LTBP4: variants seen among roughly 807,000 people sequenced by gnomAD.
The protein encoded by LTBP4 is latent-transforming growth factor beta-binding protein 4.
Under a neutral mutation model 180.2 loss-of-function variants are expected in LTBP4, and 93 were observed. The ratio of observed to expected loss-of-function variants is 0.52; its 90% CI spans 0.44 to 0.61. LTBP4 has a LOEUF of 0.61. LTBP4 is among the 20% of genes least tolerant of loss of function. The probability of loss-of-function intolerance (pLI) is 0.00; values close to 1 mark genes in which losing one functional copy is unlikely to be tolerated. For missense variants in LTBP4, 2,116 were observed against 2,256.5 expected, an observed-to-expected ratio of 0.94 and a Z score of 1.26; for synonymous variants, 947 against 934.5, an observed-to-expected ratio of 1.01 and a Z score of -0.24.
In LTBP4 at chr19:40,612,102, T is replaced by C; in HGVS notation, c.2209T>C (p.Cys737Arg). ...DVDECENHLA[C>R]PGQECVNSPG... ...GGATGAGTGTGAGAACCACCTCGCATGCCCTGGGCAGGAGTGTGTGAACTC... is the reference window on the plus strand; with the variant it reads ...GGATGAGTGTGAGAACCACCTCGCACGCCCTGGGCAGGAGTGTGTGAACTC... Residue 737 changes from cysteine to arginine, a missense_variant, in exon 15 of 30, where the codon TGC becomes CGC. This residue lies in a region of LTBP4 where 877 missense variants were observed against 873.6 expected (regional missense o/e 1.00). Coordinates refer to ENST00000396819, the MANE Select transcript of LTBP4 (RefSeq NM_001042545.2). 6.2e-7 allele frequency: 1 copy of C among 1,613,752 alleles called. No homozygotes were observed. Among genetic ancestry groups the C allele is most frequent in the Non-Finnish European group, 8.5e-7 (1 of 1,179,802 alleles).
chr19:40,593,285 C>T (rs557074839), intron 1 of LTBP4: 124 of 1,383,478 alleles, frequency 9.0e-5, no homozygotes, highest in South Asian at 3.3e-4. Context: ...CTTTGTTGCC[C>T]GGGCTAGGGT....
At position 40,605,746 on chromosome 19, in the gene LTBP4, C is replaced by A. The variant is rs754102394; in HGVS notation, c.708C>A (p.Pro236=). ...LRGGECASPL[P]GLRTQEVCCR... ...CCCCGCAGTGCGCGTCCCCGCTGCC[C>A]GGGCTCCGGACGCAGGAGGTCTGCT... is the stretch of plus-strand genomic sequence containing the variant. The change falls in exon 4 of 30, where the codon CCC becomes CCA. Residue 236 remains proline, a synonymous_variant. Transcript: ENST00000396819. This position sits in a 1 kb window ranked among gnomAD's most constrained non-coding sequence, Gnocchi z 5.5. 1 of 1,545,060 alleles carries A rather than the reference C, an allele frequency of 6.5e-7. No individual in the cohort carries two copies. The highest frequency in any genetic ancestry group is 1.2e-5 in the South Asian group (1 of 83,982).
chr19:40,608,538 G>C lies in LTBP4; in HGVS notation c.1361G>C (p.Arg454Pro). ...EPRPEPRPDP[R>P]PGPELPLPSI... is the part of the protein sequence containing the mutation. Reference sequence around the variant, plus strand: ...CGGCCTGAACCCCGGCCCGATCCCCGGCCCGGCCCTGAGCTTCCCTTGCCC... The same window carrying C: ...CGGCCTGAACCCCGGCCCGATCCCCCGCCCGGCCCTGAGCTTCCCTTGCCC... Residue 454 changes from arginine (R) to proline (P), a missense_variant, in exon 9 of 30, where the codon CGG becomes CCG. By Grantham distance (103) the Arg-to-Pro change is moderately radical. Around this residue, in one of 5 missense-constraint regions of LTBP4, gnomAD observed 877 missense variants for 873.6 expected, o/e 1.00. Coordinates refer to ENST00000396819, the MANE Select transcript of LTBP4 (RefSeq NM_001042545.2). The C allele has an allele frequency of 7.5e-6, 12 of 1,606,388 alleles. No homozygotes were observed. Among genetic ancestry groups the C allele is most frequent in the South Asian group, 2.2e-5 (2 of 89,442 alleles).
chr19:40,609,427 C>A lies in LTBP4; in HGVS notation c.1427-103C>A. On this transcript the variant is annotated intron_variant, in intron 9 of 29. Coordinates refer to ENST00000396819, the MANE Select transcript of LTBP4 (RefSeq NM_001042545.2). The surrounding 1 kb of genome is among the most constrained non-coding windows in gnomAD (Gnocchi z 4.9). ...TGGGCTTGCTTGGGGAGGAGACATC[C>A]ATGAAGGTGTTTTATGGATGTCTCC... 7.0e-7 allele frequency: 1 copy of A among 1,426,214 alleles called. No individual in the cohort carries two copies. Among genetic ancestry groups the A allele is most frequent in the Non-Finnish European group, 9.7e-7 (1 of 1,034,268 alleles). 88.3% of individuals were successfully genotyped at this position (1,426,214 alleles called of 1,614,324 possible).
At chr19:40,600,234 G>C, upstream of LTBP4, 3 of 1,064,812 alleles carry the variant, frequency 2.8e-6, no homozygotes, top group Non-Finnish European at 3.7e-6. The surrounding 1 kb of genome is among the most constrained non-coding windows in gnomAD (Gnocchi z 4.4). Context: ...GCCAGATAAA[G>C]CCGTCTGGTT....
In LTBP4 at chr19:40,627,760, C is replaced by G; in HGVS notation, c.4422C>G (p.Asp1474Glu). ...ELEAEECGILDGCTNGRCVRV... is the reference protein window; with the variant it reads ...ELEAEECGILEGCTNGRCVRV... ...AGGCGGAGGAGTGCGGGATCCTGGA[C>G]GGCTGCACCAACGGCCGCTGCGTGC... Residue 1474 changes from aspartate (D) to glutamate (E), a missense_variant, in exon 29 of 30, where the codon GAC (aspartate) becomes GAG (glutamate). Asp to Glu is a conservative substitution (Grantham distance 45). This residue lies in a region of LTBP4 where 488 missense variants were observed against 458.8 expected (regional missense o/e 1.06). Transcript: ENST00000396819. The G allele has an allele frequency of 1.9e-6, 3 of 1,592,464 alleles. No individual in the cohort carries two copies. Among genetic ancestry groups the G allele is most frequent in the South Asian group, 2.3e-5 (2 of 87,590 alleles).
At chr19:40,597,490 A>G, upstream of LTBP4, 9 of 1,237,560 alleles carry the variant, frequency 7.3e-6, 1 homozygote, top group South Asian at 1.6e-4. Flanking sequence ...CGATGTGGAG[A>G]TGCAAAGAGG....
At position 40,629,480 on chromosome 19, in the gene LTBP4, G is replaced by A. The variant is rs200665923; in HGVS notation, c.4604G>A (p.Cys1535Tyr). The change falls in exon 30 of 30, where the codon TGC (cysteine) becomes TAC (tyrosine). Residue 1535 changes from cysteine (C) to tyrosine (Y), a missense_variant. Physicochemically the swap from Cys to Tyr is radical, Grantham distance 194 (BLOSUM62 -2). Transcript: ENST00000396819. The surrounding 1 kb of genome is among the most constrained non-coding windows in gnomAD (Gnocchi z 4.5). ...CTCAACACGGATGGCTCCTTCCGCT[G>A]CATCTGCCGCCCGGGATTCGCACCC... is the stretch of plus-strand genomic sequence containing the variant. ...RCLNTDGSFR[C>Y]ICRPGFAPTH... is the part of the protein sequence containing the mutation. 3.1e-4 allele frequency: 505 copies of A among 1,607,488 alleles called. No individual in the cohort carries two copies. The highest frequency in any genetic ancestry group is 3.6e-4 in the Non-Finnish European group (429 of 1,176,034).
At position 40,603,778 on chromosome 19, in the gene LTBP4, C is replaced by T. The variant is rs567008944; in HGVS notation, c.251-1257C>T. On this transcript the variant is annotated intron_variant, in intron 1 of 29. Coordinates refer to ENST00000396819, the MANE Select transcript of LTBP4 (RefSeq NM_001042545.2). ...TGTCTCCAGCTGTTCTCTGCAGCCC[C>T]GGGAGAGAGAGGGAGGGGGTGCCCT... 5.3e-5 allele frequency among the ~76,000 whole-genome samples: 8 copies of T among 152,358 alleles called. No individual in the cohort carries two copies. The South Asian group carries it at 1.7e-3, about 32-fold the overall frequency.
upstream of LTBP4, chr19:40,600,199 C>G: frequency 8.2e-7 from 1 of 1,226,592 alleles, no homozygotes; most frequent in Non-Finnish European, 1.0e-6. This position sits in a 1 kb window ranked among gnomAD's most constrained non-coding sequence, Gnocchi z 4.4. Context: ...CGCCTTTCCT[C>G]CGCCTGGGGC....
In LTBP4 at chr19:40,611,711, AGGAAGGTGTCTGTCTTCCTG is replaced by A; in HGVS notation, c.2054-142_2054-123del. ...GGAGAGACCATTGAATGGGGACACG[AGGAAGGTGTCTGTCTTCCTG>A]GGAAGAGGGAGCAGCCTGAGGCAAG... On this transcript the variant is annotated intron_variant, in intron 13 of 29. Transcript: ENST00000396819. This position sits in a 1 kb window ranked among gnomAD's most constrained non-coding sequence, Gnocchi z 4.4. 7.8e-7 allele frequency: 1 copy of A among 1,274,166 alleles called. No individual in the cohort carries two copies. Among genetic ancestry groups the A allele is most frequent in the Non-Finnish European group, 1.1e-6 (1 of 939,276 alleles). The allele number at this position is 1,274,166 out of a possible 1,614,324, so 78.9% of individuals were successfully genotyped here.
chr19:40,617,108 G>A lies in LTBP4; in HGVS notation c.2953G>A (p.Glu985Lys), dbSNP rs753314372. The A allele has an allele frequency of 6.7e-5, 108 of 1,613,906 alleles. No homozygotes were observed. The highest frequency in any genetic ancestry group is 9.0e-5 in the Non-Finnish European group (106 of 1,179,902). Residue 985 changes from glutamate to lysine, a missense_variant, in exon 21 of 30, where the codon GAA becomes AAA. Physicochemically the swap from Glu to Lys is moderately conservative, Grantham distance 56. Around this residue, in one of 5 missense-constraint regions of LTBP4, gnomAD observed 278 missense variants for 373.0 expected, o/e 0.75. Transcript: ENST00000396819. ...TPGGGCQDVD[E>K]CRNRSFCGAH... ...CTGTCTGGTGGTTGCAGATGTGGAC[G>A]AATGCCGGAACCGGTCCTTCTGCGG...
At position 40,608,336 on chromosome 19, in the gene LTBP4, C is replaced by T. The variant is rs774856912; in HGVS notation, c.1273C>T (p.Arg425Cys). The T allele has an allele frequency of 8.1e-6, 13 of 1,613,560 alleles. No homozygotes were observed. Among genetic ancestry groups the T allele is most frequent in the Admixed American group, 3.3e-5 (2 of 59,982 alleles). ...ACCCCGAGTGTCACTCAGCCAGCCT[C>T]GTACCCTGCCAGCCACCTCTCGGCC... is the stretch of plus-strand genomic sequence containing the variant. Reference protein sequence around the residue: ...EPPRVSLSQPRTLPATSRPSA... With the variant: ...EPPRVSLSQPCTLPATSRPSA... Residue 425 changes from arginine (R) to cysteine (C), a missense_variant, in exon 8 of 30, where the codon CGT becomes TGT. Arg to Cys is a radical substitution (Grantham distance 180). This residue lies in a region of LTBP4 where 877 missense variants were observed against 873.6 expected (regional missense o/e 1.00). Transcript: ENST00000396819.
Position 40,617,172 on chromosome 19 carries a change from A to G in LTBP4, c.3017A>G (p.Gln1006Arg). The change falls in exon 21 of 30, where the codon CAG (glutamine) becomes CGG (arginine). Residue 1006 changes from glutamine to arginine, a missense_variant. Transcript: ENST00000396819. ...AVCQNLPGSF[Q>R]CLCDQGYEGA... ...TGCCAGAACCTGCCCGGCTCCTTCCAGTGCCTCTGTGACCAGGGTTACGAG... is the reference window on the plus strand; with the variant it reads ...TGCCAGAACCTGCCCGGCTCCTTCCGGTGCCTCTGTGACCAGGGTTACGAG... 2 of 1,613,766 alleles carry G rather than the reference A, an allele frequency of 1.2e-6. No homozygotes were observed. Among genetic ancestry groups the G allele is most frequent in the Non-Finnish European group, 1.7e-6 (2 of 1,179,824 alleles).
chr19:40,615,193 C>CGGGGCGG (rs1555737676), intron 19 of LTBP4: 1 of 23,596 alleles, frequency 4.2e-5, no homozygotes, highest in Non-Finnish European at 8.7e-5. Flanking sequence ...TTTGTGTCGG[C>CGGGGCGG]GGGGGGGGGG....
intron 28 of LTBP4, 108 bp downstream of exon 28, chr19:40,627,463 T>C (rs934754460): frequency 2.2e-6 from 3 of 1,368,450 alleles, no homozygotes; most frequent in Admixed American, 5.6e-5. Context: ...CAGGTGCAAC[T>C]GGAGAGAGCC....
In LTBP4 at chr19:40,622,793, C is replaced by T. The variant is rs1282728979; in HGVS notation, c.3484+126C>T. ...GGTACTAGTACTGTCAGGGCAAGGG[C>T]GAGCTGCCAGGCAGGTGGGCATGGG... On this transcript the variant is annotated intron_variant, in intron 23 of 29. Transcript: ENST00000396819. This position sits in a 1 kb window ranked among gnomAD's most constrained non-coding sequence, Gnocchi z 5.1. 51 of 1,425,254 alleles carry T rather than the reference C, an allele frequency of 3.6e-5. No individual in the cohort carries two copies. The highest frequency in any genetic ancestry group is 1.6e-4 in the South Asian group (12 of 72,896). 88.3% of individuals were successfully genotyped at this position (1,425,254 alleles called of 1,614,324 possible).
chr19:40,610,418 C>A, intron 11 of LTBP4, 114 bp from the exon 12 acceptor site: 1 of 1,310,588 alleles, frequency 7.6e-7, no homozygotes, highest in Non-Finnish European at 1.0e-6. Flanking sequence ...GGGTCCCCAT[C>A]CTGGCTCTGG....
Position 40,624,065 on chromosome 19 carries a change from A to G in LTBP4, c.3815A>G (p.Asn1272Ser), listed in dbSNP as rs766422441. The change falls in exon 26 of 30, where the codon AAC becomes AGC. Residue 1272 changes from asparagine (N) to serine (S), a missense_variant. Asn to Ser is a conservative substitution (Grantham distance 46). Around this residue, in one of 5 missense-constraint regions of LTBP4, gnomAD observed 488 missense variants for 458.8 expected, o/e 1.06. Transcript: ENST00000396819. Reference sequence around the variant, plus strand: ...GGCTCGCAGCGCCGCTGCGTCTCCAACGAGAGCCAGAGCCTCGGTAACCCC... The same window carrying G: ...GGCTCGCAGCGCCGCTGCGTCTCCAGCGAGAGCCAGAGCCTCGGTAACCCC... ...LDGSQRRCVSNESQSLDDNLG... is the reference protein window; with the variant it reads ...LDGSQRRCVSSESQSLDDNLG... 3 of 1,572,658 alleles carry G rather than the reference A, an allele frequency of 1.9e-6. No individual in the cohort carries two copies. The highest frequency in any genetic ancestry group is 1.8e-4 in the Middle Eastern group (1 of 5,702).
Sources: allele counts gnomAD v4.1 joint callset (sites outside exome capture counted in the v4.1 genomes callset), GRCh38; gene constraint gnomAD v4.1.1; regional missense constraint gnomAD v4.1.1; non-coding constraint Gnocchi (gnomAD v3.1); transcripts MANE v1.5; gene names NCBI Gene and HGNC (gene_info 2026-07-23, HGNC 2026-07-21).